SUPT3H: variants seen among roughly 807,000 people sequenced by gnomAD.
SUPT3H encodes SPT3 homolog, SAGA and STAGA complex component, also known as transcription initiation protein SPT3 homolog.
SUPT3H carries 44 observed loss-of-function variants against 44.3 expected under a neutral mutation model. The ratio of observed to expected loss-of-function variants is 0.99; its 90% CI spans 0.78 to 1.28. The LOEUF is 1.28. Among genes scored for constraint, SUPT3H ranks in the 50% most tolerant of loss-of-function variants. SUPT3H has a pLI of 0.00. For synonymous variants in SUPT3H, 124 were observed against 125.6 expected (o/e 0.99, Z 0.09); for missense variants, 380 against 387.1 (o/e 0.98, Z 0.15).
At chr6:45,109,252 T>C (rs1165252032) in intron 2 of SUPT3H, among the ~76,000 whole-genome samples, 4 of 152,132 alleles carry the variant, frequency 2.6e-5, no homozygotes, top group African/African-American at 9.7e-5. Flanking sequence ...GGCAAAAATC[T>C]TTTGTTGTAT....
At chr6:45,110,558 TCAG>T (rs1799901290) in intron 2 of SUPT3H, among the ~76,000 whole-genome samples, 2 of 111,534 alleles carry the variant, frequency 1.8e-5, no homozygotes, top group African/African-American at 8.6e-5. Flanking sequence ...CTTTCTAACA[TCAG>T]CTTTTTTTAA....
At chr6:44,998,054 T>C (rs952902438) in intron 6 of SUPT3H, among the ~76,000 whole-genome samples, 1 of 151,956 alleles carries the variant, frequency 6.6e-6, no homozygotes, top group Admixed American at 6.6e-5. Flanking sequence ...TTAAGATTTA[T>C]GCATCTATAT....
Position 44,882,360 on chromosome 6 carries a change from C to A in SUPT3H, c.912+50293G>T, listed in dbSNP as rs190210106. The stretch of plus-strand genomic sequence containing the variant: ...GAAGAAGTACAATCCCTGATTATAT[C>A]AATAACAAGTTCTGAAATTGAGGCA... On this transcript the variant is annotated intron_variant, in intron 10 of 10. Transcript: ENST00000371459. 5.3e-5 allele frequency among the ~76,000 whole-genome samples: 8 copies of A among 152,242 alleles called. No homozygotes were observed. The East Asian group carries it at 1.4e-3, about 26-fold the overall frequency.
intron 2 of SUPT3H, among the ~76,000 whole-genome samples, chr6:45,308,100 T>C (rs536594329): frequency 1.3e-5 from 2 of 152,188 alleles, no homozygotes; most frequent in South Asian, 2.1e-4. Context: ...CCAAGAAATA[T>C]GGGACTATGT....
intron 2 of SUPT3H, chr6:45,159,222 C>T (rs761257776): frequency 1.6e-4 from 24 of 152,188 alleles, no homozygotes; most frequent in Non-Finnish European, 2.9e-4. Context: ...ATGCAGCAGA[C>T]CCATTTTCCA....
At chr6:45,166,440 T>A (rs977130033) in intron 2 of SUPT3H, among the ~76,000 whole-genome samples, 2 of 151,574 alleles carry the variant, frequency 1.3e-5, no homozygotes, top group African/African-American at 4.8e-5. Flanking sequence ...ATACAAAAAA[T>A]TAGGCATAGT....
intron 3 of SUPT3H, chr6:45,099,193 AG>A (rs1310268918): frequency 3.9e-6 from 1 of 259,654 alleles, no homozygotes; most frequent in Non-Finnish European, 7.6e-6. Flanking sequence ...TGACAACTCC[AG>A]GATTAATCCA....
At chr6:44,817,917 G>A (rs1767016053) in intron 11 of SUPT3H, among the ~76,000 whole-genome samples, 1 of 152,094 alleles carries the variant, frequency 6.6e-6, no homozygotes, top group Admixed American at 6.5e-5. Context: ...TCCAAATTAA[G>A]CTATACATTG....
rs1338725766 is a variant in SUPT3H at position 45,003,618 on chromosome 6, T to C, written c.504+35A>G. 5 of 1,606,462 alleles carry C rather than the reference T, an allele frequency of 3.1e-6. No homozygotes were observed. In the African/African-American group the frequency reaches 5.4e-5, roughly 17 times the overall value. On this transcript the variant is annotated intron_variant, in intron 6 of 10. Coordinates refer to ENST00000371459, the MANE Select transcript of SUPT3H (RefSeq NM_003599.4). ...AACAGCATAGGCACTGCAATGATTG[T>C]TCTATTTCTGTAAAAAGGGAAGAAT...
chr6:45,297,754 T>A (rs928817942), intron 2 of SUPT3H, among the ~76,000 whole-genome samples: 3 of 152,164 alleles, frequency 2.0e-5, no homozygotes, highest in Non-Finnish European at 4.4e-5. Flanking sequence ...ATATAAAATT[T>A]TAATACTTTA....
At chr6:45,133,767 T>C (rs1803848899) in intron 2 of SUPT3H, among the ~76,000 whole-genome samples, 1 of 152,186 alleles carries the variant, frequency 6.6e-6, no homozygotes, top group South Asian at 2.1e-4. Context: ...ATTCTGCTCA[T>C]GTTGCTAAAG....
At chr6:45,271,762 G>C (rs530971656) in intron 2 of SUPT3H, among the ~76,000 whole-genome samples, 6 of 152,258 alleles carry the variant, frequency 3.9e-5, no homozygotes, top group African/African-American at 1.4e-4. Flanking sequence ...TGGACACCTT[G>C]CATTGTCCAT....
chr6:44,991,140 A>G (rs878925266), intron 6 of SUPT3H, among the ~76,000 whole-genome samples: 9 of 152,068 alleles, frequency 5.9e-5, no homozygotes, highest in Non-Finnish European at 7.4e-5. Flanking sequence ...GATATAATAA[A>G]TATTTTTAAA....
intron 3 of SUPT3H, among the ~76,000 whole-genome samples, chr6:45,025,401 T>C (rs1785813886): frequency 6.6e-6 from 1 of 152,206 alleles, no homozygotes; most frequent in East Asian, 1.9e-4. Flanking sequence ...CCATTGACCC[T>C]GAACAGGCAA....
At chr6:45,273,031 A>G (rs936986115) in intron 2 of SUPT3H, among the ~76,000 whole-genome samples, 2 of 152,314 alleles carry the variant, frequency 1.3e-5, no homozygotes, top group South Asian at 2.1e-4. Context: ...TGAGATCTTG[A>G]GCCCATTTGT....
chr6:44,869,357 C>T (rs1050000878), intron 10 of SUPT3H, among the ~76,000 whole-genome samples: 2 of 152,120 alleles, frequency 1.3e-5, no homozygotes, highest in African/African-American at 2.4e-5. Flanking sequence ...GAAAAATAGC[C>T]ATGCATGCTG....
downstream of SUPT3H, among the ~76,000 whole-genome samples, chr6:44,826,330 T>TAA (rs150126039): frequency 4.4e-3 from 669 of 152,318 alleles, 6 homozygotes; most frequent in African/African-American, 0.015. Flanking sequence ...CAATAGCATG[T>TAA]AAAGTTTCAT....
At chr6:44,888,153 C>A (rs1233953811) in intron 10 of SUPT3H, among the ~76,000 whole-genome samples, 2 of 152,140 alleles carry the variant, frequency 1.3e-5, no homozygotes, top group Non-Finnish European at 2.9e-5. Flanking sequence ...TGTCCAGGAC[C>A]AGAAGGATTC....
chr6:45,074,276 C>T (rs1794737692), intron 3 of SUPT3H, among the ~76,000 whole-genome samples: 1 of 151,744 alleles, frequency 6.6e-6, no homozygotes, highest in Non-Finnish European at 1.5e-5. Flanking sequence ...TACCATATAA[C>T]TATAAAGATA....
Sources: allele counts gnomAD v4.1 joint callset (sites outside exome capture counted in the v4.1 genomes callset), GRCh38; gene constraint gnomAD v4.1.1; transcripts MANE v1.5; gene names NCBI Gene and HGNC (gene_info 2026-07-23, HGNC 2026-07-21).